Variants in PRKCE observed in about 807,000 individuals in gnomAD.
PRKCE encodes the protein protein kinase C epsilon type.
In PRKCE, 16 loss-of-function variants were observed where a neutral mutation model predicts 85.4. That is an observed-to-expected ratio of 0.19 (90% CI 0.13 to 0.28). PRKCE has a LOEUF of 0.28. Ranked by LOEUF, PRKCE falls within the 10% of genes least tolerant of loss-of-function variation. PRKCE has a pLI of 1.00. For missense variants in PRKCE, 573 were observed against 975.2 expected (o/e 0.59, Z 5.49); for synonymous variants, 388 against 371.5 (o/e 1.04, Z -0.51).
Position 45,817,649 on chromosome 2 carries a change from A to C in PRKCE, c.349-25351A>C, listed in dbSNP as rs984666925. Among the ~76,000 whole-genome samples, 11 of 152,226 alleles carry C rather than the reference A, an allele frequency of 7.2e-5. No individual in the cohort carries two copies. In the South Asian group the frequency reaches 8.3e-4, roughly 12 times the overall value. On this transcript the variant is annotated intron_variant, in intron 1 of 14. Coordinates refer to ENST00000306156, the MANE Select transcript of PRKCE (RefSeq NM_005400.3). ...GCGGAGCTTGCAGTGAGCCGAGATC[A>C]CGCCACTGCACTCCAGCCTGGGCAA...
At chr2:45,829,424 G>C (rs967473914) in intron 1 of PRKCE, among the ~76,000 whole-genome samples, 1 of 152,142 alleles carries the variant, frequency 6.6e-6, no homozygotes, top group African/African-American at 2.4e-5. Flanking sequence ...GTTTGGTTTT[G>C]CCTGCTTAAG....
chr2:46,018,041 A>T (rs7593128), intron 10 of PRKCE, among the ~76,000 whole-genome samples: 63,603 of 152,022 alleles, frequency 0.42, 13,881 homozygotes, highest in African/African-American at 0.54. Flanking sequence ...GTGTCAGCTC[A>T]ATTTTACATG....
chr2:45,914,161 T>C (rs373223310), intron 2 of PRKCE, among the ~76,000 whole-genome samples: 6 of 152,232 alleles, frequency 3.9e-5, no homozygotes, highest in Non-Finnish European at 8.8e-5. Context: ...TACAATATCA[T>C]GCTAGGTGCT....
chr2:45,773,170 G>T lies in PRKCE; in HGVS notation c.349-69830G>T, dbSNP rs192349642. Among the ~76,000 whole-genome samples the T allele has an allele frequency of 3.4e-4, 52 of 152,298 alleles. 2 individuals are homozygous for T. Among genetic ancestry groups the T allele is most frequent in the Admixed American group, 3.3e-3 (50 of 15,306 alleles). On this transcript the variant is annotated intron_variant, in intron 1 of 14. Transcript: ENST00000306156. ...AGGTCATAAACCCAAGAAGATCCAT[G>T]TTGGCTCCTGGGACCCACAGTCTTC...
chr2:46,061,019 C>A (rs1667065521), intron 10 of PRKCE, among the ~76,000 whole-genome samples: 1 of 151,944 alleles, frequency 6.6e-6, no homozygotes, highest in Non-Finnish European at 1.5e-5. Flanking sequence ...ACCTCCACCT[C>A]CCAAAGTGCT....
At chr2:46,073,944 C>A (rs550013079) in intron 10 of PRKCE, 5 of 152,218 alleles carry the variant, frequency 3.3e-5, no homozygotes, top group East Asian at 1.9e-4. Context: ...GATGCTCTCA[C>A]GTGTCATCTC....
chr2:45,824,319 T>C (rs1255814840), intron 1 of PRKCE, among the ~76,000 whole-genome samples: 2 of 152,204 alleles, frequency 1.3e-5, no homozygotes, highest in African/African-American at 4.8e-5. Context: ...AGTGATCAAC[T>C]CCTTTCTTTC....
chr2:45,831,329 T>C (rs1025509092), intron 1 of PRKCE, among the ~76,000 whole-genome samples: 3 of 152,258 alleles, frequency 2.0e-5, no homozygotes, highest in Non-Finnish European at 4.4e-5. Flanking sequence ...AAATTAACTA[T>C]GGTTAGAGAA....
chr2:45,722,861 G>C (rs1680734604), intron 1 of PRKCE, among the ~76,000 whole-genome samples: 1 of 152,240 alleles, frequency 6.6e-6, no homozygotes, highest in Non-Finnish European at 1.5e-5. Context: ...AGCTCTTTGG[G>C]AGGCCGAGGT....
At chr2:46,181,913 G>A (rs775120159) in intron 14 of PRKCE, among the ~76,000 whole-genome samples, 4 of 152,134 alleles carry the variant, frequency 2.6e-5, no homozygotes, top group South Asian at 2.1e-4. Context: ...GAGAGATGGT[G>A]AAGGCATCTC....
rs912042956 is a variant in PRKCE, at chr2:45,761,419, A to T, written c.349-81581A>T. Among the ~76,000 whole-genome samples the T allele has an allele frequency of 2.0e-5, 3 of 151,756 alleles. No homozygotes were observed. The South Asian group carries it at 6.3e-4, about 32-fold the overall frequency. Reference sequence around the variant, plus strand: ...TCAATTCCTCCTATCAATAGCTGCCATGTGTTAAGTATTTGCTGTGTCCCA... The same window carrying T: ...TCAATTCCTCCTATCAATAGCTGCCTTGTGTTAAGTATTTGCTGTGTCCCA... On this transcript the variant is annotated intron_variant, in intron 1 of 14. Coordinates refer to ENST00000306156, the MANE Select transcript of PRKCE (RefSeq NM_005400.3).
intron 1 of PRKCE, among the ~76,000 whole-genome samples, chr2:45,756,604 A>G (rs1363200693): frequency 1.3e-5 from 2 of 152,272 alleles, no homozygotes; most frequent in African/African-American, 4.8e-5. Flanking sequence ...TCATCAAGAT[A>G]GAATGGATAA....
In PRKCE at chr2:45,711,178, T is replaced by G. The variant is rs115670737; in HGVS notation, c.348+58730T>G. Reference sequence around the variant, plus strand: ...TGTGCAGCCACAGGCAAGGTACTTATCCCCTTTGTGCCTCAGTTTCCTTAG... The same window carrying G: ...TGTGCAGCCACAGGCAAGGTACTTAGCCCCTTTGTGCCTCAGTTTCCTTAG... On this transcript the variant is annotated intron_variant, in intron 1 of 14. Coordinates refer to ENST00000306156, the MANE Select transcript of PRKCE (RefSeq NM_005400.3). 4.6e-3 allele frequency among the ~76,000 whole-genome samples: 704 copies of G among 152,326 alleles called. 8 individuals carry two copies. The highest frequency in any genetic ancestry group is 0.016 in the African/African-American group (663 of 41,574).
intron 1 of PRKCE, among the ~76,000 whole-genome samples, chr2:45,750,454 C>G (rs994997235): frequency 1.3e-5 from 2 of 152,186 alleles, no homozygotes; most frequent in Non-Finnish European, 2.9e-5. Context: ...TTTGCGGTCC[C>G]ATTGCCTTGG....
intron 2 of PRKCE, among the ~76,000 whole-genome samples, chr2:45,930,320 C>A (rs1431782078): frequency 6.6e-6 from 1 of 152,204 alleles, no homozygotes; most frequent in Non-Finnish European, 1.5e-5. Flanking sequence ...GTACTACCTA[C>A]CAGTTTAAAA....
At chr2:45,741,901 G>T (rs545989927) in intron 1 of PRKCE, among the ~76,000 whole-genome samples, 4 of 152,320 alleles carry the variant, frequency 2.6e-5, no homozygotes, top group African/African-American at 9.6e-5. Context: ...TAAAGAGGGC[G>T]GAAGTCCCCT....
intron 2 of PRKCE, among the ~76,000 whole-genome samples, chr2:45,861,989 G>A (rs961631532): frequency 1.3e-5 from 2 of 152,094 alleles, no homozygotes; most frequent in Non-Finnish European, 1.5e-5. Context: ...AAAAACATAC[G>A]CCAGCATAGT....
rs71394861 is a variant in PRKCE, at chr2:45,944,655, A to ATTTTTTTTT, written c.413-31755_413-31747dup. ...AGGTGCGTGCCACCATACCCGGCTAATTTTTTTTTTTTTTTTTTTTTTTTT... is the reference window on the plus strand; with the variant it reads ...AGGTGCGTGCCACCATACCCGGCTAATTTTTTTTTTTTTTTTTTTTTTTTTTTTTTTTTT... On this transcript the variant is annotated intron_variant, in intron 2 of 14. Coordinates refer to ENST00000306156, the MANE Select transcript of PRKCE (RefSeq NM_005400.3). 1.8e-3 allele frequency among the ~76,000 whole-genome samples: 138 copies of ATTTTTTTTT among 75,620 alleles called. 12 individuals carry two copies. Among genetic ancestry groups the ATTTTTTTTT allele is most frequent in the Non-Finnish European group, 2.3e-3 (96 of 42,438 alleles). The allele number at this position is 75,620 out of a possible 152,430, so 49.6% of individuals were successfully genotyped here.
chr2:45,798,739 G>A (rs1435924876), intron 1 of PRKCE, among the ~76,000 whole-genome samples: 1 of 147,120 alleles, frequency 6.8e-6, no homozygotes, highest in East Asian at 1.9e-4. Flanking sequence ...GTTTCAAAGT[G>A]TATATGGGCC....
Sources: allele counts gnomAD v4.1 joint callset (sites outside exome capture counted in the v4.1 genomes callset), GRCh38; gene constraint gnomAD v4.1.1; transcripts MANE v1.5; gene names NCBI Gene and HGNC (gene_info 2026-07-23, HGNC 2026-07-21).